The following ASAP2 variants were observed in gnomAD, a reference collection of about 807,000 sequenced individuals.
ASAP2 encodes the protein arf-GAP with SH3 domain, ANK repeat and PH domain-containing protein 2.
A neutral mutation model predicts 131.4 loss-of-function variants in ASAP2; 45 were observed. That is an observed-to-expected ratio of 0.34 (90% CI 0.27 to 0.44). The LOEUF (loss-of-function observed/expected upper bound fraction) is 0.44, where lower values mean the gene tolerates loss of function less well. ASAP2 is among the 20% of genes least tolerant of loss of function. The pLI is 1.00. For synonymous variants in ASAP2, 510 were observed against 503.0 expected, an observed-to-expected ratio of 1.01 and a Z score of -0.19; for missense variants, 1,011 against 1,297.0, an observed-to-expected ratio of 0.78 and a Z score of 3.39.
At chr2:9,378,108 A>G (rs986784530) in intron 18 of ASAP2, among the ~76,000 whole-genome samples, 4 of 152,120 alleles carry the variant, frequency 2.6e-5, no homozygotes, top group African/African-American at 7.2e-5. Context: ...CATGCCCACA[A>G]TTTGGTGAAA....
At chr2:9,305,505 A>G (rs112880564) in intron 3 of ASAP2, among the ~76,000 whole-genome samples, 13 of 48,182 alleles carry the variant, frequency 2.7e-4, no homozygotes, top group East Asian at 1.5e-3. Flanking sequence ...AGGCTGTAGT[A>G]GTGGGGTATA....
intron 5 of ASAP2, among the ~76,000 whole-genome samples, chr2:9,321,302 A>G (rs116760385): frequency 1.3e-5 from 2 of 152,134 alleles, no homozygotes; most frequent in Non-Finnish European, 2.9e-5. Flanking sequence ...TACTCCTTCT[A>G]TCCATGGGAA....
At chr2:9,395,342 G>T (rs1676030549) in intron 24 of ASAP2, among the ~76,000 whole-genome samples, 1 of 151,986 alleles carries the variant, frequency 6.6e-6, no homozygotes, top group Admixed American at 6.6e-5. Context: ...GGGCATGGTG[G>T]CATGCACCTG....
At chr2:9,291,171 T>C (rs781723116) in intron 2 of ASAP2, among the ~76,000 whole-genome samples, 3 of 152,244 alleles carry the variant, frequency 2.0e-5, no homozygotes, top group Non-Finnish European at 4.4e-5. Flanking sequence ...TAACACATTT[T>C]AAATTTTCAC....
At chr2:9,240,863 A>G (rs1350076343) in intron 1 of ASAP2, among the ~76,000 whole-genome samples, 1 of 152,162 alleles carries the variant, frequency 6.6e-6, no homozygotes, top group African/African-American at 2.4e-5. Flanking sequence ...GGGTTACTTG[A>G]ACACAGGCTC....
intron 1 of ASAP2, among the ~76,000 whole-genome samples, chr2:9,214,454 G>A (rs1418700202): frequency 1.3e-5 from 2 of 152,122 alleles, no homozygotes; most frequent in Non-Finnish European, 2.9e-5. Context: ...TGGCCAGGCT[G>A]GTCTTGAACT....
At chr2:9,394,546 G>A (rs1191315513) in intron 24 of ASAP2, among the ~76,000 whole-genome samples, 1 of 152,106 alleles carries the variant, frequency 6.6e-6, no homozygotes, top group African/African-American at 2.4e-5. Context: ...CCAAGTTCTG[G>A]GGGCTAGGTG....
rs1378170607 is a variant in ASAP2 at position 9,217,130 on chromosome 2, C to G, written c.126+9900C>G. On this transcript the variant is annotated intron_variant, in intron 1 of 27. Transcript: ENST00000281419. The surrounding 1 kb of genome is among the most constrained non-coding windows in gnomAD (Gnocchi z 4.0). ...TGCTATTTCTTTTAGCAGCCAACAGCCTCTGTAGAGCCCGTGCCCACCAAG... is the reference window on the plus strand; with the variant it reads ...TGCTATTTCTTTTAGCAGCCAACAGGCTCTGTAGAGCCCGTGCCCACCAAG... 2.6e-5 allele frequency among the ~76,000 whole-genome samples: 4 copies of G among 152,144 alleles called. No individual in the cohort carries two copies. Among genetic ancestry groups the G allele is most frequent in the Non-Finnish European group, 5.9e-5 (4 of 68,030 alleles).
At chr2:9,381,839 G>A (rs1446024459) in intron 20 of ASAP2, among the ~76,000 whole-genome samples, 2 of 152,116 alleles carry the variant, frequency 1.3e-5, no homozygotes, top group Non-Finnish European at 2.9e-5. Context: ...AGGAGTTCAA[G>A]ACTACAGTGA....
chr2:9,312,782 TC>T (rs1312734249), intron 3 of ASAP2, among the ~76,000 whole-genome samples: 2 of 152,136 alleles, frequency 1.3e-5, no homozygotes, highest in African/African-American at 2.4e-5. Context: ...TCCTAACTCA[TC>T]CGTACACCCC....
At chr2:9,335,654 T>C (rs1009869485) in intron 9 of ASAP2, among the ~76,000 whole-genome samples, 1 of 152,262 alleles carries the variant, frequency 6.6e-6, no homozygotes, top group African/African-American at 2.4e-5. Flanking sequence ...GCCTCCATCA[T>C]GACAGGCAGA....
rs73915716 is a variant in ASAP2, at chr2:9,350,931, G to A, written c.1111+36G>A. 1,858 of 1,516,994 alleles carry A rather than the reference G, an allele frequency of 1.2e-3. 18 individuals are homozygous for A. The African/African-American group carries it at 0.022, about 18-fold the overall frequency. The allele number at this position is 1,516,994 out of a possible 1,614,324, so 94.0% of individuals were successfully genotyped here. A position where few individuals can be genotyped will look rare whatever the true frequency, so the allele number is the denominator to read the frequency against. ...CTCTGAGATGCCGCGCCATAGAGACGTTGTCTTATGCTCTCCTCTGGGGCG... is the reference window on the plus strand; with the variant it reads ...CTCTGAGATGCCGCGCCATAGAGACATTGTCTTATGCTCTCCTCTGGGGCG... On this transcript the variant is annotated intron_variant, in intron 12 of 27. Coordinates refer to ENST00000281419, the MANE Select transcript of ASAP2 (RefSeq NM_003887.3).
chr2:9,282,902 G>A (rs763629463), intron 2 of ASAP2, among the ~76,000 whole-genome samples: 6 of 152,182 alleles, frequency 3.9e-5, no homozygotes, highest in Non-Finnish European at 5.9e-5. Context: ...CTTCCTGAGT[G>A]TGTGCCAGCT....
chr2:9,377,057 G>A, intron 18 of ASAP2, 64 bp downstream of exon 18: 2 of 1,399,686 alleles, frequency 1.4e-6, no homozygotes, highest in Non-Finnish European at 2.0e-6. Flanking sequence ...GAAGGAATCG[G>A]ACGCTGCCTC....
At chr2:9,395,088 C>G (rs1676008371) in intron 24 of ASAP2, among the ~76,000 whole-genome samples, 1 of 152,196 alleles carries the variant, frequency 6.6e-6, no homozygotes, top group African/African-American at 2.4e-5. Context: ...TGACTTCCGC[C>G]ATACGTCACT....
intron 16 of ASAP2, among the ~76,000 whole-genome samples, chr2:9,369,821 T>A (rs566885135): frequency 9.2e-5 from 14 of 152,164 alleles, no homozygotes; most frequent in African/African-American, 2.9e-4. Flanking sequence ...TAGGTGGTAG[T>A]GTATGGACCC....
chr2:9,271,101 A>AT (rs149039710), intron 1 of ASAP2, among the ~76,000 whole-genome samples: 35,867 of 150,686 alleles, frequency 0.24, 4,391 homozygotes, highest in Non-Finnish European at 0.27. Flanking sequence ...CCCTGTTTTC[A>AT]TTTTTTTTTA....
At chr2:9,384,178 T>C (rs943518069) in intron 20 of ASAP2, among the ~76,000 whole-genome samples, 1 of 152,074 alleles carries the variant, frequency 6.6e-6, no homozygotes, top group Non-Finnish European at 1.5e-5. Flanking sequence ...AATAAATTAA[T>C]TAAAAAGAAA....
chr2:9,402,134 AG>A (rs1676757493), intron 27 of ASAP2, among the ~76,000 whole-genome samples: 1 of 152,232 alleles, frequency 6.6e-6, no homozygotes, highest in African/African-American at 2.4e-5. Flanking sequence ...CACAGGATTT[AG>A]GGGAACTTCT....
Sources: gnomAD v4.1 joint callset for allele counts (sites outside exome capture counted in the v4.1 genomes callset) on GRCh38, gnomAD v4.1.1 for gene constraint, Gnocchi (gnomAD v3.1) non-coding constraint, MANE v1.5 for transcripts, NCBI Gene and HGNC (gene_info 2026-07-23, HGNC 2026-07-21) for gene names.